Variants in GRIK2 observed in about 807,000 individuals in gnomAD.
GRIK2 encodes glutamate receptor ionotropic, kainate 2.
GRIK2 carries 32 observed loss-of-function variants against 100.3 expected under a neutral mutation model. That is an observed-to-expected ratio of 0.32 (90% confidence interval 0.24 to 0.43). The LOEUF (loss-of-function observed/expected upper bound fraction) is 0.43. Among genes scored for constraint, GRIK2 ranks in the 20% least tolerant of loss-of-function variants. The probability of loss-of-function intolerance (pLI) is 1.00; values close to 1 mark genes in which losing one functional copy is unlikely to be tolerated. For missense variants in GRIK2, 843 were observed against 1,114.9 expected (o/e 0.76, Z 3.47); for synonymous variants, 417 against 389.4 (o/e 1.07, Z -0.83).
At chr6:101,503,565 A>T (rs376680371) in intron 2 of GRIK2, among the ~76,000 whole-genome samples, 154 of 152,304 alleles carry the variant, frequency 1.0e-3, no homozygotes, top group African/African-American at 3.6e-3. Flanking sequence ...CAGGCTTCCA[A>T]AAAAGCTATG....
At chr6:102,051,332 CTTTT>C (rs768038831) in intron 15 of GRIK2, among the ~76,000 whole-genome samples, 2 of 125,228 alleles carry the variant, frequency 1.6e-5, no homozygotes, top group African/African-American at 3.1e-5. Context: ...CAAGCTAGGA[CTTTT>C]TTTTACTTGG....
chr6:101,861,826 T>C (rs1784751665), intron 11 of GRIK2, among the ~76,000 whole-genome samples: 1 of 152,110 alleles, frequency 6.6e-6, no homozygotes, highest in African/African-American at 2.4e-5. Context: ...TGAGGCTGAT[T>C]AATTAATAAG....
In GRIK2 at chr6:101,735,919, A is replaced by C. The variant is rs1246957231; in HGVS notation, c.951+49566A>C. Among the ~76,000 whole-genome samples the C allele has an allele frequency of 1.3e-5, 2 of 152,226 alleles. 1 individual carries two copies. The highest frequency in any genetic ancestry group is 4.8e-5 in the African/African-American group (2 of 41,460). The stretch of plus-strand genomic sequence containing the variant: ...TTAGGCCTATGAGCCTGTAACATCA[A>C]AAGCAAGTTTGTTACTTCATAGATA... On this transcript the variant is annotated intron_variant, in intron 7 of 16. Coordinates refer to ENST00000369134, the MANE Select transcript of GRIK2 (RefSeq NM_021956.5).
At chr6:101,769,041 T>C (rs1157023493) in intron 7 of GRIK2, among the ~76,000 whole-genome samples, 1 of 152,226 alleles carries the variant, frequency 6.6e-6, no homozygotes, top group Non-Finnish European at 1.5e-5. Context: ...ATTATTGCTC[T>C]GATTTTTTTA....
intron 2 of GRIK2, among the ~76,000 whole-genome samples, chr6:101,563,532 G>A (rs1358351515): frequency 6.6e-6 from 1 of 152,040 alleles, no homozygotes; most frequent in African/African-American, 2.4e-5. Flanking sequence ...AGAAAAATCA[G>A]TGATTTTTGC....
rs34620995 is a variant in GRIK2 at position 102,006,390 on chromosome 6, ATT to A, written c.2086-28938_2086-28937del. Among the ~76,000 whole-genome samples the A allele has an allele frequency of 2.1e-3, 235 of 114,064 alleles. 1 individual carries two copies. Among genetic ancestry groups the A allele is most frequent in the African/African-American group, 6.1e-3 (133 of 21,902 alleles). The allele number at this position is 114,064 out of a possible 152,430, so 74.8% of individuals were successfully genotyped here. On this transcript the variant is annotated intron_variant, in intron 14 of 16. Transcript: ENST00000369134. The stretch of plus-strand genomic sequence containing the variant: ...CTTTTATATATATATATATATATAT[ATT>A]TTTTTTTTTTTTGAGACATACAGTG...
At chr6:101,849,816 T>TTTTG (rs1358501934) in intron 10 of GRIK2, among the ~76,000 whole-genome samples, 1 of 95,756 alleles carries the variant, frequency 1.0e-5, no homozygotes, top group Non-Finnish European at 2.1e-5. Flanking sequence ...AAGGAGGGTT[T>TTTTG]TTTTTTTTTT....
At chr6:101,701,749 ACAT>A (rs765076148) in intron 7 of GRIK2, among the ~76,000 whole-genome samples, 3 of 152,088 alleles carry the variant, frequency 2.0e-5, no homozygotes, top group Non-Finnish European at 4.4e-5. Flanking sequence ...CACTTTTAAA[ACAT>A]CATAATTTGA....
At chr6:101,696,795 A>G (rs1772522123) in intron 7 of GRIK2, among the ~76,000 whole-genome samples, 2 of 152,012 alleles carry the variant, frequency 1.3e-5, no homozygotes, top group South Asian at 4.1e-4. Context: ...AGAAGCAAAT[A>G]TAAAAGAATC....
At chr6:101,565,914 T>TA (rs1169203082) in intron 2 of GRIK2, among the ~76,000 whole-genome samples, 19 of 93,490 alleles carry the variant, frequency 2.0e-4, no homozygotes, top group African/African-American at 6.4e-4. Flanking sequence ...ATATACCTAT[T>TA]TTATATATAT....
chr6:101,676,953 A>G (rs1770885133), intron 5 of GRIK2, 149 bp downstream of exon 5: 1 of 550,364 alleles, frequency 1.8e-6, no homozygotes, highest in South Asian at 2.9e-5. Context: ...ATTGCTTTTA[A>G]TTAATTGTCT....
chr6:101,966,746 T>C (rs1792699999), intron 14 of GRIK2, among the ~76,000 whole-genome samples: 1 of 152,158 alleles, frequency 6.6e-6, no homozygotes, highest in Admixed American at 6.6e-5. Flanking sequence ...ATCTTATGAA[T>C]AAATCCATCA....
chr6:101,768,674 T>TA (rs144713837), intron 7 of GRIK2, among the ~76,000 whole-genome samples: 4,418 of 152,198 alleles, frequency 0.029, 230 homozygotes, highest in African/African-American at 0.1. Context: ...CACAGCTATA[T>TA]ATCACAGTAA....
chr6:101,558,209 A>G (rs1415062284), intron 2 of GRIK2, among the ~76,000 whole-genome samples: 1 of 152,168 alleles, frequency 6.6e-6, no homozygotes, highest in Non-Finnish European at 1.5e-5. Context: ...ATTACTGTCC[A>G]CTTGAGCTTT....
At chr6:101,983,948 G>C (rs1793868731) in intron 14 of GRIK2, among the ~76,000 whole-genome samples, 1 of 151,520 alleles carries the variant, frequency 6.6e-6, no homozygotes, top group South Asian at 2.1e-4. Context: ...CTTATAGCAA[G>C]GTAGGAAAAT....
chr6:101,422,134 A>G (rs183621972), intron 2 of GRIK2, among the ~76,000 whole-genome samples: 3 of 152,326 alleles, frequency 2.0e-5, no homozygotes, highest in Admixed American at 2.0e-4. Context: ...GGCAAGCCAA[A>G]TGCATATCAT....
At chr6:101,777,378 T>C (rs1778812151) in intron 7 of GRIK2, among the ~76,000 whole-genome samples, 1 of 152,148 alleles carries the variant, frequency 6.6e-6, no homozygotes, top group Non-Finnish European at 1.5e-5. Context: ...GTCTGTCCCA[T>C]TTAGGCTTGT....
At chr6:101,471,992 G>T (rs1235690631) in intron 2 of GRIK2, among the ~76,000 whole-genome samples, 3 of 149,546 alleles carry the variant, frequency 2.0e-5, no homozygotes, top group African/African-American at 4.9e-5. Context: ...ATTTTTTTTT[G>T]CCATACCACA....
intron 7 of GRIK2, among the ~76,000 whole-genome samples, chr6:101,790,385 A>G (rs959820626): frequency 1.3e-5 from 2 of 152,192 alleles, no homozygotes; most frequent in Non-Finnish European, 2.9e-5. Flanking sequence ...CGTCACATCA[A>G]TTCCTAATTT....
Sources: allele counts gnomAD v4.1 joint callset (sites outside exome capture counted in the v4.1 genomes callset), GRCh38; gene constraint gnomAD v4.1.1; transcripts MANE v1.5; gene names NCBI Gene and HGNC (gene_info 2026-07-23, HGNC 2026-07-21).